The following NUBPL variants were observed in gnomAD, a reference collection of about 807,000 sequenced individuals.
NUBPL encodes iron-sulfur cluster transfer protein NUBPL.
Under a neutral mutation model 45.7 loss-of-function variants are expected in NUBPL, and 31 were observed. That is an observed-to-expected ratio of 0.68 (90% confidence interval 0.51 to 0.92). The LOEUF (loss-of-function observed/expected upper bound fraction) is 0.92. Among genes scored for constraint, NUBPL ranks in the 40% least tolerant of loss-of-function variants. The pLI is 0.00. For missense variants in NUBPL, 401 were observed against 398.7 expected, an observed-to-expected ratio of 1.01 and a Z score of -0.05; for synonymous variants, 144 against 140.9, an observed-to-expected ratio of 1.02 and a Z score of -0.15.
chr14:31,673,726 G>A lies in NUBPL; in HGVS notation c.513+152G>A, dbSNP rs1212100557. 4.2e-6 allele frequency: 3 copies of A among 712,288 alleles called. No individual in the cohort carries two copies. In the East Asian group the frequency reaches 8.1e-5, roughly 19 times the overall value. The allele number at this position is 712,288 out of a possible 1,614,324, so 44.1% of individuals were successfully genotyped here. On this transcript the variant is annotated intron_variant, in intron 6 of 10. Coordinates refer to ENST00000281081, the MANE Select transcript of NUBPL (RefSeq NM_025152.3). Reference sequence around the variant, plus strand: ...ATGGCACCTAATGAGTTAATGTGATGCCAAGACCAAACTTCACTGTTAACA... The same window carrying A: ...ATGGCACCTAATGAGTTAATGTGATACCAAGACCAAACTTCACTGTTAACA...
intron 6 of NUBPL, among the ~76,000 whole-genome samples, chr14:31,769,349 T>C (rs189566890): frequency 1.6e-4 from 24 of 152,298 alleles, no homozygotes; most frequent in Middle Eastern, 3.4e-3. Context: ...GGAGTCATGA[T>C]TGAATCCCCT....
At chr14:31,849,750 A>G (rs1236047200) in intron 9 of NUBPL, among the ~76,000 whole-genome samples, 1 of 151,966 alleles carries the variant, frequency 6.6e-6, no homozygotes, top group African/African-American at 2.4e-5. Flanking sequence ...TTTTCTCTTC[A>G]GTTTCCTCTT....
rs577328444 is a variant in NUBPL, at chr14:31,749,757, G to A, written c.514-38023G>A. ...TGTTTATAACTCTCCCATGACTTGG[G>A]AAACTTACAACTGTAATTTCATTAA... On this transcript the variant is annotated intron_variant, in intron 6 of 10. Coordinates refer to ENST00000281081, the MANE Select transcript of NUBPL (RefSeq NM_025152.3). Among the ~76,000 whole-genome samples the A allele has an allele frequency of 2.6e-5, 4 of 152,186 alleles. No individual in the cohort carries two copies. The South Asian group carries it at 8.3e-4, about 32-fold the overall frequency.
rs187989132 is a variant in NUBPL at position 31,758,231 on chromosome 14, T to G, written c.514-29549T>G. Reference sequence around the variant, plus strand: ...GTACTTCAAACAAGTACTTGGCAAATATGGTACTCAATGTTTATTGAGTGA... The same window carrying G: ...GTACTTCAAACAAGTACTTGGCAAAGATGGTACTCAATGTTTATTGAGTGA... On this transcript the variant is annotated intron_variant, in intron 6 of 10. Transcript: ENST00000281081. Among the ~76,000 whole-genome samples, 129 of 152,318 alleles carry G rather than the reference T, an allele frequency of 8.5e-4. 3 individuals carry two copies. The highest frequency in any genetic ancestry group is 2.4e-4 in the Non-Finnish European group (16 of 68,020).
At chr14:31,782,424 C>G (rs747806100) in intron 6 of NUBPL, among the ~76,000 whole-genome samples, 1 of 151,286 alleles carries the variant, frequency 6.6e-6, no homozygotes, top group Non-Finnish European at 1.5e-5. Flanking sequence ...CAAGAAACAC[C>G]TTTTGGCACA....
intron 6 of NUBPL, among the ~76,000 whole-genome samples, chr14:31,735,110 G>A (rs2038137182): frequency 6.6e-6 from 1 of 152,100 alleles, no homozygotes; most frequent in Non-Finnish European, 1.5e-5. Flanking sequence ...CCTTACTTGT[G>A]ACAATTAAAA....
chr14:31,726,889 G>A (rs2037937871), intron 6 of NUBPL, among the ~76,000 whole-genome samples: 1 of 151,786 alleles, frequency 6.6e-6, no homozygotes, highest in Non-Finnish European at 1.5e-5. Flanking sequence ...TCTTGAAGGG[G>A]CTGTCCTGTA....
intron 4 of NUBPL, among the ~76,000 whole-genome samples, chr14:31,648,991 G>T (rs1390544704): frequency 2.6e-5 from 4 of 151,934 alleles, no homozygotes; most frequent in Admixed American, 1.3e-4. Context: ...TTTATTTTTA[G>T]TAGAGACGGG....
intron 3 of NUBPL, among the ~76,000 whole-genome samples, chr14:31,591,146 A>G (rs567186634): frequency 4.6e-5 from 7 of 152,264 alleles, no homozygotes; most frequent in Admixed American, 1.3e-4. Flanking sequence ...GCTTTTTCAT[A>G]CCATGTTGTG....
intron 7 of NUBPL, among the ~76,000 whole-genome samples, chr14:31,824,029 C>G (rs1489301287): frequency 6.6e-6 from 1 of 151,964 alleles, no homozygotes; most frequent in African/African-American, 2.4e-5. Context: ...GCCTGATAGC[C>G]TTTAGGAAAA....
intron 9 of NUBPL, among the ~76,000 whole-genome samples, chr14:31,847,745 A>G (rs1463227664): frequency 2.6e-5 from 4 of 152,244 alleles, no homozygotes; most frequent in Non-Finnish European, 1.5e-5. Context: ...TTAAGTTTCT[A>G]AAAGTTGATG....
chr14:31,596,819 A>AC (rs1176528468), intron 3 of NUBPL, among the ~76,000 whole-genome samples: 1 of 152,212 alleles, frequency 6.6e-6, no homozygotes, highest in Non-Finnish European at 1.5e-5. Context: ...TATGGATAAT[A>AC]CCACCTTGCA....
chr14:31,586,819 T>G (rs2034007384), intron 3 of NUBPL, among the ~76,000 whole-genome samples: 1 of 152,084 alleles, frequency 6.6e-6, no homozygotes, highest in Non-Finnish European at 1.5e-5. Flanking sequence ...ATCCTCTAGT[T>G]GTAAAAAAGC....
At chr14:31,765,908 A>C (rs1422598110) in intron 6 of NUBPL, among the ~76,000 whole-genome samples, 5 of 152,204 alleles carry the variant, frequency 3.3e-5, no homozygotes, top group African/African-American at 1.2e-4. Flanking sequence ...AAAAATACAG[A>C]CAGACAGAAA....
intron 6 of NUBPL, chr14:31,771,708 A>T (rs2039012597): frequency 6.1e-6 from 1 of 162,738 alleles, no homozygotes. Context: ...GTGTTGTACA[A>T]TTATGTATAT....
intron 4 of NUBPL, among the ~76,000 whole-genome samples, chr14:31,632,863 A>G (rs537180541): frequency 6.6e-6 from 1 of 152,346 alleles, no homozygotes; most frequent in South Asian, 2.1e-4. Flanking sequence ...GAAAATATTC[A>G]CGTCCATAAA....
At chr14:31,755,028 T>G (rs1239333939) in intron 6 of NUBPL, among the ~76,000 whole-genome samples, 12 of 151,928 alleles carry the variant, frequency 7.9e-5, no homozygotes, top group Admixed American at 7.9e-4. Flanking sequence ...GGACATGAAC[T>G]CATCGTTTTT....
intron 9 of NUBPL, among the ~76,000 whole-genome samples, chr14:31,849,190 T>C (rs1338629679): frequency 6.6e-6 from 1 of 152,228 alleles, no homozygotes; most frequent in African/African-American, 2.4e-5. Flanking sequence ...TTATAACATA[T>C]ACTTCATTAT....
intron 7 of NUBPL, among the ~76,000 whole-genome samples, chr14:31,806,648 C>T (rs1292522210): frequency 2.6e-5 from 4 of 151,878 alleles, no homozygotes; most frequent in Admixed American, 2.0e-4. Flanking sequence ...ACTTTAAGTT[C>T]TAGGGTACAT....
Sources: gnomAD v4.1 joint callset for allele counts (sites outside exome capture counted in the v4.1 genomes callset) on GRCh38, gnomAD v4.1.1 for gene constraint, MANE v1.5 for transcripts, NCBI Gene and HGNC (gene_info 2026-07-23, HGNC 2026-07-21) for gene names.